MYRFL: variants seen among roughly 807,000 people sequenced by gnomAD.
The protein encoded by MYRFL is myelin regulatory factor like.
MYRFL carries 88 observed loss-of-function variants against 109.4 expected under a neutral mutation model. The ratio of observed to expected loss-of-function variants is 0.80; its 90% CI spans 0.68 to 0.96. The LOEUF (loss-of-function observed/expected upper bound fraction) is 0.96. MYRFL is among the 40% of genes least tolerant of loss of function. The pLI, the probability that MYRFL is intolerant of heterozygous loss-of-function variation, is 0.00. For synonymous variants in MYRFL, 324 were observed against 320.9 expected (o/e 1.01, Z -0.10); for missense variants, 957 against 954.9 (o/e 1.00, Z -0.03).
intron 19 of MYRFL, 73 bp downstream of exon 19, chr12:69,936,705 A>G (rs73136746): frequency 0.14 from 187,425 of 1,301,122 alleles, 14,566 homozygotes; most frequent in Non-Finnish European, 0.16. Context: ...ATTTACTTAG[A>G]TGGTCATTAA....
chr12:69,895,291 C>A, intron 8 of MYRFL, 80 bp from the exon 9 acceptor site: 5 of 1,057,814 alleles, frequency 4.7e-6, no homozygotes, highest in Non-Finnish European at 5.5e-6. Context: ...AGATGAGAGT[C>A]TGAAAGTGGA....
At chr12:69,936,841 G>A (rs961092962) in intron 19 of MYRFL, among the ~76,000 whole-genome samples, 7 of 152,174 alleles carry the variant, frequency 4.6e-5, no homozygotes, top group African/African-American at 1.7e-4. Flanking sequence ...GTTGATTCAA[G>A]TACTTATAAT....
At chr12:69,891,839 C>T (rs957615219) in intron 7 of MYRFL, among the ~76,000 whole-genome samples, 1 of 151,750 alleles carries the variant, frequency 6.6e-6, no homozygotes, top group South Asian at 2.1e-4. Context: ...AGGTGTGTGC[C>T]ACCATGCTGG....
At chr12:69,915,545 G>T (rs1345456200) in intron 13 of MYRFL, among the ~76,000 whole-genome samples, 1 of 152,146 alleles carries the variant, frequency 6.6e-6, no homozygotes, top group Non-Finnish European at 1.5e-5. Flanking sequence ...CAACCAAAGG[G>T]GGTGATCGTT....
chr12:69,872,847 G>T (rs1260719899), intron 2 of MYRFL, among the ~76,000 whole-genome samples: 1 of 151,804 alleles, frequency 6.6e-6, no homozygotes, highest in African/African-American at 2.4e-5. Flanking sequence ...GCTGAAGCTG[G>T]TCTTGAATTC....
intron 21 of MYRFL, among the ~76,000 whole-genome samples, 155 bp from the exon 22 acceptor site, chr12:69,955,208 C>CA (rs1298100096): frequency 1.3e-5 from 2 of 151,694 alleles, no homozygotes; most frequent in Admixed American, 6.6e-5. Context: ...ATCCTAAAAA[C>CA]AAAAAAATGA....
intron 2 of MYRFL, among the ~76,000 whole-genome samples, chr12:69,864,447 C>G (rs1884888308): frequency 6.6e-6 from 1 of 152,032 alleles, no homozygotes; most frequent in Non-Finnish European, 1.5e-5. Flanking sequence ...TTGAGCCCAC[C>G]TCAGCATACC....
intron 19 of MYRFL, among the ~76,000 whole-genome samples, chr12:69,945,273 G>A (rs560679234): frequency 4.6e-5 from 7 of 152,084 alleles, no homozygotes; most frequent in African/African-American, 9.6e-5. Context: ...TTCACTCACC[G>A]CTCACTCACT....
intron 13 of MYRFL, among the ~76,000 whole-genome samples, chr12:69,919,200 G>A (rs1054303354): frequency 1.3e-5 from 2 of 152,182 alleles, no homozygotes; most frequent in Non-Finnish European, 2.9e-5. Flanking sequence ...AGTCACAAGA[G>A]AAAGTCACTG....
At chr12:69,878,118 C>T (rs1885800908) in intron 2 of MYRFL, among the ~76,000 whole-genome samples, 1 of 151,852 alleles carries the variant, frequency 6.6e-6, no homozygotes, top group East Asian at 1.9e-4. Context: ...TGGCAGGCGC[C>T]TGTAATCCCA....
intron 1 of MYRFL, among the ~76,000 whole-genome samples, chr12:69,853,378 G>A (rs929736096): frequency 6.6e-6 from 1 of 151,116 alleles, no homozygotes; most frequent in African/African-American, 2.4e-5. Context: ...GCCGGGCGGA[G>A]GGGCTCCTCA....
At position 69,886,855 on chromosome 12, in the gene MYRFL, C is replaced by A. The variant is rs1886487089; in HGVS notation, c.592C>A (p.Pro198Thr). 1 of 1,535,762 alleles carries A rather than the reference C, an allele frequency of 6.5e-7. No homozygotes were observed. Among genetic ancestry groups the A allele is most frequent in the Non-Finnish European group, 8.7e-7 (1 of 1,146,722 alleles). Residue 198 changes from proline (P) to threonine (T), a missense_variant, in exon 6 of 25, where the codon CCT becomes ACT. Transcript: ENST00000552032. ...SRSRSSEVQD[P>T]DSEGQNRMPT... Reference sequence around the variant, plus strand: ...GAGTCGCAGCAGTGAAGTCCAGGACCCTGACAGTGAGGGACAGAACAGAAT... The same window carrying A: ...GAGTCGCAGCAGTGAAGTCCAGGACACTGACAGTGAGGGACAGAACAGAAT...
At chr12:69,881,503 G>A (rs1886105719) in intron 5 of MYRFL, among the ~76,000 whole-genome samples, 1 of 152,176 alleles carries the variant, frequency 6.6e-6, no homozygotes. Context: ...TCTCTTGCTG[G>A]GGCTGCTGCC....
At chr12:69,957,602 C>CTAT (rs1293859707) in intron 22 of MYRFL, among the ~76,000 whole-genome samples, 2 of 152,132 alleles carry the variant, frequency 1.3e-5, no homozygotes, top group African/African-American at 2.4e-5. Flanking sequence ...CCATCATATA[C>CTAT]TATTTCGATA....
At chr12:69,865,668 T>C (rs1884976376) in intron 2 of MYRFL, among the ~76,000 whole-genome samples, 1 of 152,146 alleles carries the variant, frequency 6.6e-6, no homozygotes, top group South Asian at 2.1e-4. Context: ...TGGGGTATTG[T>C]GTTCTGAGCT....
rs1449582718 is a variant in MYRFL at position 69,855,481 on chromosome 12, G to A, written c.137+111G>A. On this transcript the variant is annotated intron_variant, in intron 2 of 24. Coordinates refer to ENST00000552032, the MANE Select transcript of MYRFL (RefSeq NM_182530.3). ...TGTTTTCCAAAATAACTTGGGTAGAGTTGACATTATTATGTCTATGGATCT... is the reference window on the plus strand; with the variant it reads ...TGTTTTCCAAAATAACTTGGGTAGAATTGACATTATTATGTCTATGGATCT... The A allele has an allele frequency of 1.2e-5, 7 of 602,576 alleles. No individual in the cohort carries two copies. The Middle Eastern group carries it at 1.5e-3, about 128-fold the overall frequency. 37.3% of individuals were successfully genotyped at this position (602,576 alleles called of 1,614,324 possible).
chr12:69,853,314 C>T (rs560565710), intron 1 of MYRFL, among the ~76,000 whole-genome samples: 10 of 152,154 alleles, frequency 6.6e-5, no homozygotes, highest in South Asian at 4.1e-4. Flanking sequence ...CCTCACTTCC[C>T]GGACGGGGTG....
At chr12:69,886,996 G>A (rs1266670612) in intron 6 of MYRFL, 26 bp downstream of exon 6, 1 of 1,534,636 alleles carries the variant, frequency 6.5e-7, no homozygotes, top group Non-Finnish European at 8.7e-7. Context: ...GGGCTGGAGA[G>A]TGAGGGGAGA....
chr12:69,893,365 GT>G (rs1183048492), intron 7 of MYRFL, among the ~76,000 whole-genome samples: 8 of 152,156 alleles, frequency 5.3e-5, no homozygotes, highest in African/African-American at 1.9e-4. Flanking sequence ...AGGAAATTTT[GT>G]TAATTGTGTT....
Sources: allele counts gnomAD v4.1 joint callset (sites outside exome capture counted in the v4.1 genomes callset), GRCh38; gene constraint gnomAD v4.1.1; transcripts MANE v1.5; gene names NCBI Gene and HGNC (gene_info 2026-07-23, HGNC 2026-07-21).